Variants in CDH13 observed in about 807,000 individuals in gnomAD.
The protein encoded by CDH13 is cadherin-13.
A neutral mutation model predicts 63.8 loss-of-function variants in CDH13; 24 were observed. The ratio of observed to expected loss-of-function variants is 0.38; its 90% CI spans 0.27 to 0.53. The LOEUF is 0.53. Among genes scored for constraint, CDH13 ranks in the 20% least tolerant of loss-of-function variants. The pLI, the probability that CDH13 is intolerant of heterozygous loss-of-function variation, is 0.85. For synonymous variants in CDH13, 503 were observed against 355.3 expected (o/e 1.42, Z -4.67); for missense variants, 1,049 against 903.1 (o/e 1.16, Z -2.07).
At chr16:82,800,870 A>G (rs1370461039) in intron 1 of CDH13, among the ~76,000 whole-genome samples, 1 of 152,206 alleles carries the variant, frequency 6.6e-6, no homozygotes, top group African/African-American at 2.4e-5. Context: ...GTATTCAATT[A>G]TTTTAATTTA....
At chr16:82,868,065 G>C (rs1182831373) in intron 2 of CDH13, among the ~76,000 whole-genome samples, 2 of 152,198 alleles carry the variant, frequency 1.3e-5, no homozygotes, top group East Asian at 1.9e-4. Context: ...TTGGGAGACT[G>C]ATTAATTGAT....
chr16:82,653,116 C>A (rs1338440132), intron 1 of CDH13, among the ~76,000 whole-genome samples: 1 of 152,128 alleles, frequency 6.6e-6, no homozygotes. Context: ...ACTTTGGAAA[C>A]CCATTTTGTT....
intron 2 of CDH13, chr16:82,990,172 A>T (rs1315460530): frequency 2.0e-5 from 3 of 152,122 alleles, no homozygotes; most frequent in Non-Finnish European, 4.4e-5. Context: ...GAAGTCAGAG[A>T]GCCAACTGCC....
intron 6 of CDH13, among the ~76,000 whole-genome samples, chr16:83,416,605 A>T (rs2071557520): frequency 6.6e-6 from 1 of 152,192 alleles, no homozygotes; most frequent in African/African-American, 2.4e-5. Flanking sequence ...TCCCAGAAGT[A>T]CCACTTCAAT....
chr16:82,971,567 C>T (rs1908748767), intron 2 of CDH13, among the ~76,000 whole-genome samples: 1 of 152,226 alleles, frequency 6.6e-6, no homozygotes, highest in South Asian at 2.1e-4. Context: ...CTCTGGACAT[C>T]ATCCAGTTCA....
At chr16:83,308,387 C>G (rs2089926426) in intron 5 of CDH13, among the ~76,000 whole-genome samples, 1 of 152,134 alleles carries the variant, frequency 6.6e-6, no homozygotes, top group African/African-American at 2.4e-5. Context: ...TTGAGATGTT[C>G]TAGATTTTCC....
rs184499209 is a variant in CDH13, at chr16:83,542,987, T to C, written c.960+56332T>C. On this transcript the variant is annotated intron_variant, in intron 7 of 13. Coordinates refer to ENST00000567109, the MANE Select transcript of CDH13 (RefSeq NM_001257.5). ...TAATTCAACTTACAACAGCAAGTGA[T>C]ACTGATGCTGCTGGTCTAGCAACCC... Among the ~76,000 whole-genome samples the C allele has an allele frequency of 3.9e-5, 6 of 152,362 alleles. No homozygotes were observed. In the East Asian group the frequency reaches 1.2e-3, roughly 29 times the overall value.
At chr16:83,322,271 G>T (rs1346754195) in intron 5 of CDH13, among the ~76,000 whole-genome samples, 2 of 152,146 alleles carry the variant, frequency 1.3e-5, no homozygotes, top group Non-Finnish European at 1.5e-5. Flanking sequence ...CCAAGGAAGT[G>T]GAAATGATTT....
intron 5 of CDH13, among the ~76,000 whole-genome samples, chr16:83,319,970 A>C (rs1161479574): frequency 6.6e-6 from 1 of 152,220 alleles, no homozygotes; most frequent in Non-Finnish European, 1.5e-5. Context: ...CGAGGTTCTA[A>C]GTAATTCTAG....
At chr16:83,040,739 C>A (rs539874902) in intron 3 of CDH13, among the ~76,000 whole-genome samples, 1 of 152,158 alleles carries the variant, frequency 6.6e-6, no homozygotes, top group African/African-American at 2.4e-5. Context: ...TCCTTCAATC[C>A]AATCGAGTTG....
At chr16:83,004,272 G>T (rs959651747) in intron 2 of CDH13, among the ~76,000 whole-genome samples, 1 of 152,150 alleles carries the variant, frequency 6.6e-6, no homozygotes, top group East Asian at 1.9e-4. Flanking sequence ...ATAGAATGCT[G>T]CCAAAGGCTC....
chr16:83,627,514 C>T (rs1247950679), intron 8 of CDH13, among the ~76,000 whole-genome samples: 1 of 152,132 alleles, frequency 6.6e-6, no homozygotes, highest in East Asian at 1.9e-4. Context: ...ACACCATTGT[C>T]CTGCCTGCGA....
At chr16:83,469,366 A>G (rs987746339) in intron 6 of CDH13, among the ~76,000 whole-genome samples, 4 of 152,216 alleles carry the variant, frequency 2.6e-5, no homozygotes, top group Non-Finnish European at 5.9e-5. Flanking sequence ...CCTGAGGAAG[A>G]AAATATTTCA....
At chr16:83,684,869 C>G (rs1260982684) in intron 10 of CDH13, among the ~76,000 whole-genome samples, 1 of 152,126 alleles carries the variant, frequency 6.6e-6, no homozygotes, top group African/African-American at 2.4e-5. Context: ...TGGCTCAGAG[C>G]AGACGGAAGT....
At chr16:83,074,870 C>T (rs554155389) in intron 3 of CDH13, among the ~76,000 whole-genome samples, 20 of 152,276 alleles carry the variant, frequency 1.3e-4, no homozygotes, top group Middle Eastern at 6.8e-3. Flanking sequence ...GTCTGAAAGA[C>T]GCAAAATTAG....
intron 11 of CDH13, among the ~76,000 whole-genome samples, chr16:83,758,083 T>C (rs139841984): frequency 7.6e-6 from 1 of 131,554 alleles, no homozygotes; most frequent in African/African-American, 3.0e-5. Flanking sequence ...CCAGTGCTTA[T>C]GGAAAAAAAA....
chr16:83,473,338 C>G (rs1331646471), intron 6 of CDH13, among the ~76,000 whole-genome samples: 2 of 152,224 alleles, frequency 1.3e-5, no homozygotes, highest in African/African-American at 4.8e-5. Flanking sequence ...TTTGCAAAAT[C>G]AGCAACATTA....
intron 8 of CDH13, among the ~76,000 whole-genome samples, chr16:83,613,291 T>G (rs1909011628): frequency 6.6e-6 from 1 of 152,268 alleles, no homozygotes; most frequent in African/African-American, 2.4e-5. Context: ...GTATTAATTA[T>G]ACTTGTTCCT....
chr16:82,667,313 G>A (rs1244871231), intron 1 of CDH13, among the ~76,000 whole-genome samples: 2 of 152,216 alleles, frequency 1.3e-5, no homozygotes, highest in African/African-American at 4.8e-5. Context: ...ATTGAGGCAG[G>A]TAAGGAGGGG....
Sources: gnomAD v4.1 joint callset for allele counts (sites outside exome capture counted in the v4.1 genomes callset) on GRCh38, gnomAD v4.1.1 for gene constraint, MANE v1.5 for transcripts, NCBI Gene and HGNC (gene_info 2026-07-23, HGNC 2026-07-21) for gene names.